TTC29: variants seen among roughly 807,000 people sequenced by gnomAD.
TTC29 encodes tetratricopeptide repeat protein 29.
TTC29 carries 49 observed loss-of-function variants against 58.1 expected under a neutral mutation model. That is an observed-to-expected ratio of 0.84 (90% CI 0.67 to 1.07). The LOEUF is 1.07. Ranked by LOEUF, TTC29 falls within the 50% of genes least tolerant of loss-of-function variation. TTC29 has a pLI of 0.00. For synonymous variants in TTC29, 209 were observed against 196.8 expected, an observed-to-expected ratio of 1.06 and a Z score of -0.52; for missense variants, 582 against 555.6, an observed-to-expected ratio of 1.05 and a Z score of -0.48.
intron 11 of TTC29, among the ~76,000 whole-genome samples, chr4:146,771,475 T>C (rs2150074443): frequency 6.6e-6 from 1 of 152,210 alleles, no homozygotes; most frequent in South Asian, 2.1e-4. Flanking sequence ...GTGTACTCAA[T>C]GTTTAGCTCC....
intron 11 of TTC29, among the ~76,000 whole-genome samples, chr4:146,780,034 CAG>C (rs1748466975): frequency 6.6e-6 from 1 of 152,102 alleles, no homozygotes; most frequent in Non-Finnish European, 1.5e-5. Flanking sequence ...TCTAGATCTG[CAG>C]AGATTCTCAA....
intron 8 of TTC29, among the ~76,000 whole-genome samples, chr4:146,855,857 CCACA>C (rs902726175): frequency 1.4e-4 from 22 of 152,036 alleles, no homozygotes; most frequent in African/African-American, 5.1e-4. Context: ...GAAGTATGAC[CCACA>C]CACTTATTCC....
chr4:146,832,760 G>A (rs1452433535), intron 9 of TTC29, among the ~76,000 whole-genome samples: 2 of 152,054 alleles, frequency 1.3e-5, no homozygotes, highest in African/African-American at 4.8e-5. Flanking sequence ...TCAAAGTGCT[G>A]GGATTACAGG....
At chr4:146,843,288 G>A (rs1728965913) in intron 8 of TTC29, among the ~76,000 whole-genome samples, 1 of 152,138 alleles carries the variant, frequency 6.6e-6, no homozygotes, top group Admixed American at 6.6e-5. Flanking sequence ...TGGACACTGA[G>A]GACAATTAGG....
intron 11 of TTC29, among the ~76,000 whole-genome samples, chr4:146,769,385 T>C (rs773201257): frequency 6.6e-6 from 1 of 151,998 alleles, no homozygotes; most frequent in Non-Finnish European, 1.5e-5. Flanking sequence ...TAAAAAATGG[T>C]TTCTCTCTTA....
intron 7 of TTC29, among the ~76,000 whole-genome samples, chr4:146,870,076 G>C (rs1294497413): frequency 1.3e-5 from 2 of 152,224 alleles, no homozygotes; most frequent in African/African-American, 4.8e-5. Context: ...AGCAAGGTAA[G>C]GGGAATTGGG....
intron 11 of TTC29, among the ~76,000 whole-genome samples, chr4:146,750,085 G>A (rs970443185): frequency 1.3e-5 from 2 of 152,072 alleles, no homozygotes; most frequent in Admixed American, 6.6e-5. Flanking sequence ...TCGGCTCACT[G>A]CAAGCTCTGC....
intron 8 of TTC29, among the ~76,000 whole-genome samples, chr4:146,860,773 G>A (rs1730178469): frequency 6.6e-6 from 1 of 152,134 alleles, no homozygotes; most frequent in African/African-American, 2.4e-5. Flanking sequence ...CCTCAGATGA[G>A]GGAAGACTAT....
Position 146,877,990 on chromosome 4 carries a change from G to A in TTC29, c.587-3062C>T, listed in dbSNP as rs116800862. On this transcript the variant is annotated intron_variant, in intron 6 of 12. Transcript: ENST00000325106. ...TGGAAGAAATCAGGACAAAATGGGA[G>A]GTGGGAAGAGTGGAGGGAAGGCTGG... 8.7e-3 allele frequency among the ~76,000 whole-genome samples: 1,330 copies of A among 152,224 alleles called. 18 individuals carry two copies. Among genetic ancestry groups the A allele is most frequent in the African/African-American group, 0.031 (1,279 of 41,534 alleles).
chr4:146,901,081 C>T (rs1375543142), intron 6 of TTC29, among the ~76,000 whole-genome samples: 5 of 152,028 alleles, frequency 3.3e-5, no homozygotes, highest in Non-Finnish European at 5.9e-5. Context: ...ACAGTCCAGA[C>T]AGAATTTGAT....
intron 9 of TTC29, among the ~76,000 whole-genome samples, chr4:146,822,105 A>T (rs1751883284): frequency 7.3e-6 from 1 of 136,594 alleles, no homozygotes; most frequent in Admixed American, 7.8e-5. Context: ...TTGCAAGTTC[A>T]GAAAGTATTT....
intron 6 of TTC29, 86 bp downstream of exon 6, chr4:146,903,458 T>C (rs1733291718): frequency 8.0e-7 from 1 of 1,257,730 alleles, no homozygotes; most frequent in South Asian, 1.7e-5. Context: ...TCAGGTCTTT[T>C]TTCTCGACCA....
At chr4:146,754,364 G>A (rs904294359) in intron 11 of TTC29, among the ~76,000 whole-genome samples, 3 of 151,520 alleles carry the variant, frequency 2.0e-5, no homozygotes, top group Non-Finnish European at 4.4e-5. Flanking sequence ...ATAAATTCTC[G>A]CAAACATACA....
chr4:146,752,067 G>C (rs1458049298), intron 11 of TTC29, among the ~76,000 whole-genome samples: 1 of 151,778 alleles, frequency 6.6e-6, no homozygotes, highest in Non-Finnish European at 1.5e-5. Context: ...TACTGGCCAG[G>C]GCAATCAGGC....
chr4:146,743,205 C>A (rs1028404652), intron 11 of TTC29, among the ~76,000 whole-genome samples: 1 of 151,676 alleles, frequency 6.6e-6, no homozygotes, highest in Non-Finnish European at 1.5e-5. Flanking sequence ...TTATAATTGG[C>A]CTTGGGAGGG....
intron 8 of TTC29, among the ~76,000 whole-genome samples, chr4:146,834,748 A>C (rs1001743543): frequency 6.6e-6 from 1 of 152,164 alleles, no homozygotes; most frequent in Non-Finnish European, 1.5e-5. Context: ...GAGGGACGAC[A>C]TAAAAACACC....
intron 6 of TTC29, among the ~76,000 whole-genome samples, chr4:146,900,697 T>TG (rs1456222937): frequency 1.3e-5 from 2 of 152,146 alleles, no homozygotes; most frequent in African/African-American, 4.8e-5. Flanking sequence ...GAGAGGGGAA[T>TG]GGGGAGTTGC....
intron 6 of TTC29, among the ~76,000 whole-genome samples, chr4:146,879,867 G>A (rs1731508741): frequency 6.6e-6 from 1 of 152,054 alleles, no homozygotes; most frequent in Admixed American, 6.6e-5. Flanking sequence ...AGAAGGCCTG[G>A]GGACTATTCA....
intron 11 of TTC29, among the ~76,000 whole-genome samples, chr4:146,711,943 G>A (rs1291417449): frequency 6.6e-6 from 1 of 151,960 alleles, no homozygotes; most frequent in Admixed American, 6.6e-5. Flanking sequence ...GTTCTGTTTG[G>A]GGGAAATGTG....
Sources: gnomAD v4.1 joint callset for allele counts (sites outside exome capture counted in the v4.1 genomes callset) on GRCh38, gnomAD v4.1.1 for gene constraint, MANE v1.5 for transcripts, NCBI Gene and HGNC (gene_info 2026-07-23, HGNC 2026-07-21) for gene names.